KBTBD3: variants seen among roughly 807,000 people sequenced by gnomAD.
KBTBD3 encodes kelch repeat and BTB domain-containing protein 3.
In KBTBD3, 38 loss-of-function variants were observed where a neutral mutation model predicts 49.6. That is an observed-to-expected ratio of 0.77 (90% confidence interval 0.59 to 1.00). The LOEUF (loss-of-function observed/expected upper bound fraction) is 1.00, where lower values mean the gene tolerates loss of function less well. Among genes scored for constraint, KBTBD3 ranks in the 50% least tolerant of loss-of-function variants. KBTBD3 has a pLI of 0.00. For synonymous variants in KBTBD3, 214 were observed against 250.4 expected, an observed-to-expected ratio of 0.85 and a Z score of 1.37; for missense variants, 661 against 712.0, an observed-to-expected ratio of 0.93 and a Z score of 0.81.
At chr11:106,066,449 A>T (rs1352498026) in intron 2 of KBTBD3, among the ~76,000 whole-genome samples, 3 of 152,244 alleles carry the variant, frequency 2.0e-5, no homozygotes, top group African/African-American at 7.2e-5. Flanking sequence ...GCCTAAAAAC[A>T]TAAAACTAGT....
At chr11:106,058,272 T>C (rs1365523094) in intron 3 of KBTBD3, among the ~76,000 whole-genome samples, 2 of 151,696 alleles carry the variant, frequency 1.3e-5, no homozygotes, top group Non-Finnish European at 2.9e-5. Context: ...TCCCAGCTAC[T>C]TGGGAGGCTG....
chr11:106,052,069 A>G lies in KBTBD3; in HGVS notation c.*781T>C, dbSNP rs1013167887. 2.0e-5 allele frequency: 3 copies of G among 151,754 alleles called. No individual in the cohort carries two copies. Among genetic ancestry groups the G allele is most frequent in the East Asian group, 1.9e-4 (1 of 5,156 alleles). The allele number at this position is 151,754 out of a possible 1,614,324, so 9.4% of individuals were successfully genotyped here. ...CCATCCCAGAATCCAAAAATTTCCA[A>G]TTGAGGGTTACATGTTAACATAAAC... On this transcript the variant is annotated 3_prime_UTR_variant, in exon 4 of 4. Coordinates refer to ENST00000531837, the MANE Select transcript of KBTBD3 (RefSeq NM_198439.3).
At chr11:106,073,681 T>C (rs150413965) in intron 2 of KBTBD3, among the ~76,000 whole-genome samples, 279 of 152,248 alleles carry the variant, frequency 1.8e-3, no homozygotes, top group South Asian at 3.3e-3. Context: ...AAATCACATA[T>C]AAAGCCCTAC....
chr11:106,069,749 T>G lies in KBTBD3; in HGVS notation c.-13+6758A>C, dbSNP rs142005140. ...AAATCCTGGCACAATTTTTTGTATA[T>G]ACAGATGAGATTACTGTAAAATTTA... On this transcript the variant is annotated intron_variant, in intron 2 of 3. Transcript: ENST00000531837. 9.2e-5 allele frequency among the ~76,000 whole-genome samples: 14 copies of G among 152,170 alleles called. No homozygotes were observed. The East Asian group carries it at 2.3e-3, about 25-fold the overall frequency.
chr11:106,055,578 A>T (rs1174004376), intron 3 of KBTBD3, among the ~76,000 whole-genome samples: 7 of 152,200 alleles, frequency 4.6e-5, no homozygotes, highest in Admixed American at 6.5e-5. Context: ...AGACACCTAC[A>T]GCAGTTTAGG....
At chr11:106,060,612 C>G (rs1157292599) in intron 2 of KBTBD3, among the ~76,000 whole-genome samples, 1 of 152,288 alleles carries the variant, frequency 6.6e-6, no homozygotes, top group Middle Eastern at 3.4e-3. Context: ...AAACTGGACC[C>G]CTTCCTTACA....
At chr11:106,061,181 G>T (rs1022068397) in intron 2 of KBTBD3, among the ~76,000 whole-genome samples, 36 of 152,236 alleles carry the variant, frequency 2.4e-4, no homozygotes, top group Middle Eastern at 3.4e-3. Context: ...CATGAAGCTT[G>T]GTTCTCCCAG....
At position 106,054,172 on chromosome 11, in the gene KBTBD3, C is replaced by T. The variant is rs1331712461; in HGVS notation, c.517G>A (p.Ala173Thr). Residue 173 changes from alanine to threonine, a missense_variant, in exon 4 of 4, where the codon GCA becomes ACA. Physicochemically the swap from Ala to Thr is moderately conservative, Grantham distance 58 (BLOSUM62 0). Coordinates refer to ENST00000531837, the MANE Select transcript of KBTBD3 (RefSeq NM_198439.3). ...AAGTGATGTTGTACAAAGTGTAATG[C>T]ATGATCAAACAAACTGGTGGAGCCA... ...SYGSTSLFDH[A>T]LHFVQHHFSL... 2 of 1,612,828 alleles carry T rather than the reference C, an allele frequency of 1.2e-6. No homozygotes were observed. The highest frequency in any genetic ancestry group is 1.3e-5 in the African/African-American group (1 of 74,880).
chr11:106,058,651 T>C (rs761642280), intron 3 of KBTBD3: 2 of 484,732 alleles, frequency 4.1e-6, no homozygotes, highest in African/African-American at 2.1e-5. Flanking sequence ...CTTGAAGTCC[T>C]GACCTCAGGT....
At chr11:106,056,520 G>T (rs1860556016) in intron 3 of KBTBD3, among the ~76,000 whole-genome samples, 1 of 152,136 alleles carries the variant, frequency 6.6e-6, no homozygotes, top group African/African-American at 2.4e-5. Flanking sequence ...CAAGCTGTGT[G>T]TTCACACCAG....
chr11:106,067,114 C>CA (rs747768320), intron 2 of KBTBD3, among the ~76,000 whole-genome samples: 3 of 152,050 alleles, frequency 2.0e-5, no homozygotes, highest in Non-Finnish European at 2.9e-5. Context: ...AGCAACCTAA[C>CA]AAGACAAAAG....
At chr11:106,069,551 A>G (rs1860878476) in intron 2 of KBTBD3, among the ~76,000 whole-genome samples, 1 of 151,984 alleles carries the variant, frequency 6.6e-6, no homozygotes, top group Non-Finnish European at 1.5e-5. Flanking sequence ...TATAAATCTA[A>G]CAAAACATGC....
intron 2 of KBTBD3, among the ~76,000 whole-genome samples, chr11:106,073,984 T>C (rs1015913511): frequency 6.6e-6 from 1 of 152,206 alleles, no homozygotes; most frequent in Non-Finnish European, 1.5e-5. Context: ...ATTCATTTAT[T>C]CAACAAATAT....
At chr11:106,060,216 A>G (rs1447002643) in intron 2 of KBTBD3, among the ~76,000 whole-genome samples, 1 of 151,952 alleles carries the variant, frequency 6.6e-6, no homozygotes, top group African/African-American at 2.4e-5. Context: ...AATTTGATAT[A>G]ACTATATTCG....
chr11:106,068,205 A>G (rs1860848113), intron 2 of KBTBD3, among the ~76,000 whole-genome samples: 1 of 152,198 alleles, frequency 6.6e-6, no homozygotes, highest in African/African-American at 2.4e-5. Flanking sequence ...ACAAGAAGTC[A>G]GTAAGCATAT....
Position 106,052,854 on chromosome 11 carries a change from G to A in KBTBD3, c.1835C>T (p.Ala612Val). 6.2e-7 allele frequency: 1 copy of A among 1,607,840 alleles called. No individual in the cohort carries two copies. ...ACTGGACTCGTTTTAGAATGTTCAA[G>A]CACATAGATTAGAAAACCATGGGTC... Reference protein sequence around the residue: ...YRDPWFSNLCA With the variant: ...YRDPWFSNLCV Residue 612 changes from alanine to valine, a missense_variant, in exon 4 of 4, where the codon GCT becomes GTT. Physicochemically the swap from Ala to Val is moderately conservative, Grantham distance 64. Transcript: ENST00000531837.
chr11:106,067,973 G>T (rs1412500434), intron 2 of KBTBD3, among the ~76,000 whole-genome samples: 1 of 151,202 alleles, frequency 6.6e-6, no homozygotes, highest in Non-Finnish European at 1.5e-5. Flanking sequence ...AGCAGGCATG[G>T]CAATATAATT....
At chr11:106,057,948 A>AT in intron 3 of KBTBD3, 1 of 397,902 alleles carries the variant, frequency 2.5e-6, no homozygotes, top group Non-Finnish European at 4.4e-6. Flanking sequence ...CAACACAGGG[A>AT]TCCCCCAAAC....
At chr11:106,063,872 A>G (rs981308672) in intron 2 of KBTBD3, among the ~76,000 whole-genome samples, 1 of 152,108 alleles carries the variant, frequency 6.6e-6, no homozygotes, top group African/African-American at 2.4e-5. Context: ...TGGAGGTTGC[A>G]GTAAGCCGAG....
Sources: allele counts gnomAD v4.1 joint callset (sites outside exome capture counted in the v4.1 genomes callset), GRCh38; gene constraint gnomAD v4.1.1; transcripts MANE v1.5; gene names NCBI Gene and HGNC (gene_info 2026-07-23, HGNC 2026-07-21).